Variants in CSMD2 observed in about 807,000 individuals in gnomAD.
CSMD2 encodes the protein CUB and Sushi multiple domains 2.
CSMD2 carries 130 observed loss-of-function variants against 398.5 expected under a neutral mutation model. The observed-to-expected ratio is 0.33, with a 90% CI of 0.28 to 0.38. The LOEUF is 0.38. Among genes scored for constraint, CSMD2 ranks in the 10% least tolerant of loss-of-function variants. CSMD2 has a pLI of 1.00. For synonymous variants in CSMD2, 1,828 were observed against 1,908.5 expected, an observed-to-expected ratio of 0.96 and a Z score of 1.10; for missense variants, 3,829 against 4,764.9, an observed-to-expected ratio of 0.80 and a Z score of 5.78.
At chr1:34,070,339 T>C (rs1558332583) in intron 2 of CSMD2, among the ~76,000 whole-genome samples, 2 of 152,180 alleles carry the variant, frequency 1.3e-5, no homozygotes, top group Non-Finnish European at 2.9e-5. Context: ...TTAGGGTAGA[T>C]GGGTCCTTTT....
Position 34,032,616 on chromosome 1 carries a change from T to C in CSMD2, c.495A>G (p.Gln165=), listed in dbSNP as rs1650596554. 4 of 1,596,130 alleles carry C rather than the reference T, an allele frequency of 2.5e-6. No homozygotes were observed. Among genetic ancestry groups the C allele is most frequent in the African/African-American group, 2.7e-5 (2 of 74,524 alleles). ...TACCTTCATAGGTGGCGTGGAAGCC[T>C]TGGGCACTGACTGCATAGTCGCTGA... ...RLISDYAVSA[Q]GFHATYEVLP... is the part of the protein sequence containing the mutation. Residue 165 remains glutamine (Q), a synonymous_variant, in exon 3 of 71, where the codon CAA becomes CAG. Transcript: ENST00000373381.
At chr1:34,055,076 T>C (rs1302845336) in intron 2 of CSMD2, among the ~76,000 whole-genome samples, 1 of 152,152 alleles carries the variant, frequency 6.6e-6, no homozygotes. Context: ...TGCCTCCCCC[T>C]GGCATGGTGA....
chr1:33,559,112 G>A lies in CSMD2; in HGVS notation c.8554+188C>T, dbSNP rs776206867. ...TTGCTTTCCTTATATAACCCATGAT[G>A]ATGAAATTTTATGTGGCTCTTTATC... On this transcript the variant is annotated intron_variant, in intron 54 of 70. Transcript: ENST00000373381. This position sits in a 1 kb window ranked among gnomAD's most constrained non-coding sequence, Gnocchi z 4.0. Among the ~76,000 whole-genome samples, 2 of 152,214 alleles carry A rather than the reference G, an allele frequency of 1.3e-5. No individual in the cohort carries two copies. The highest frequency in any genetic ancestry group is 2.9e-5 in the Non-Finnish European group (2 of 68,046).
intron 50 of CSMD2, 116 bp downstream of exon 50, chr1:33,572,390 T>C (rs1659670902): frequency 1.4e-5 from 12 of 857,616 alleles, no homozygotes; most frequent in African/African-American, 4.4e-5. Flanking sequence ...TCCATGTCCA[T>C]GTTTTTTTTT....
At chr1:33,561,531 C>T (rs1206600167) in intron 53 of CSMD2, among the ~76,000 whole-genome samples, 2 of 152,178 alleles carry the variant, frequency 1.3e-5, no homozygotes, top group Non-Finnish European at 2.9e-5. Context: ...AGGTACTCTG[C>T]TATGGAGTGG....
chr1:33,672,022 T>C (rs1644518640), intron 25 of CSMD2, among the ~76,000 whole-genome samples: 1 of 152,098 alleles, frequency 6.6e-6, no homozygotes, highest in Admixed American at 6.5e-5. Flanking sequence ...GATGGCCAAA[T>C]AGGAACAGCC....
chr1:33,699,645 T>C (rs1571265265), intron 23 of CSMD2, among the ~76,000 whole-genome samples: 1 of 152,338 alleles, frequency 6.6e-6, no homozygotes, highest in East Asian at 1.9e-4. Context: ...AGGGGAAACC[T>C]GACTATACTC....
At chr1:33,867,555 C>T (rs1640132690) in intron 5 of CSMD2, among the ~76,000 whole-genome samples, 1 of 152,228 alleles carries the variant, frequency 6.6e-6, no homozygotes, top group South Asian at 2.1e-4. Flanking sequence ...ATTTGTTACA[C>T]AGCAATAGAG....
intron 46 of CSMD2, among the ~76,000 whole-genome samples, chr1:33,585,128 G>A (rs1557577490): frequency 6.6e-6 from 1 of 152,182 alleles, no homozygotes; most frequent in Non-Finnish European, 1.5e-5. Context: ...TCAGTACAAA[G>A]GTGTGCATTG....
At chr1:33,683,769 A>G (rs1211776983) in intron 25 of CSMD2, among the ~76,000 whole-genome samples, 1 of 152,216 alleles carries the variant, frequency 6.6e-6, no homozygotes, top group East Asian at 1.9e-4. Flanking sequence ...TCCTTCAAAA[A>G]ATGTGTACAT....
At chr1:33,927,520 A>G (rs1027034205) in intron 4 of CSMD2, among the ~76,000 whole-genome samples, 3 of 152,068 alleles carry the variant, frequency 2.0e-5, no homozygotes, top group African/African-American at 7.2e-5. Context: ...TATCGTGCAC[A>G]TTTTACAGAT....
At chr1:33,551,478 C>T (rs1403382328) in intron 55 of CSMD2, among the ~76,000 whole-genome samples, 1 of 152,186 alleles carries the variant, frequency 6.6e-6, no homozygotes, top group Non-Finnish European at 1.5e-5. Context: ...TCCCTGTAGA[C>T]ATCATACCCA....
chr1:34,083,081 TAA>T (rs10711037), intron 2 of CSMD2, among the ~76,000 whole-genome samples: 31 of 128,144 alleles, frequency 2.4e-4, no homozygotes, highest in African/African-American at 5.0e-4. Context: ...CTAAAAAAAT[TAA>T]AAAAAAAAAA....
chr1:33,801,623 G>A (rs539125681), intron 10 of CSMD2, among the ~76,000 whole-genome samples: 20 of 152,310 alleles, frequency 1.3e-4, no homozygotes, highest in African/African-American at 4.8e-4. Context: ...GGATGCTCAC[G>A]AGCTATGGGG....
intron 12 of CSMD2, among the ~76,000 whole-genome samples, chr1:33,783,563 A>C (rs1653106094): frequency 6.6e-6 from 1 of 151,952 alleles, no homozygotes; most frequent in Non-Finnish European, 1.5e-5. Flanking sequence ...CCTCATCAGA[A>C]ACCAAATTGG....
rs3045906 is a variant in CSMD2 at position 33,984,884 on chromosome 1, CAGGA to C, written c.517+47706_517+47709del. ...GAAGGCAGGCAGGCAGGCAGGCAGG[CAGGA>C]AGGAAGGAAGGAAATCTCACACAGA... On this transcript the variant is annotated intron_variant, in intron 3 of 70. Coordinates refer to ENST00000373381, the MANE Select transcript of CSMD2 (RefSeq NM_001281956.2). Among the ~76,000 whole-genome samples, 1,085 of 138,270 alleles carry C rather than the reference CAGGA, an allele frequency of 7.8e-3. 21 individuals are homozygous for C. The highest frequency in any genetic ancestry group is 0.029 in the African/African-American group (1,024 of 35,106). The allele number at this position is 138,270 out of a possible 152,430, so 90.7% of individuals were successfully genotyped here. A position where few individuals can be genotyped will look rare whatever the true frequency, so the allele number is the denominator to read the frequency against.
In CSMD2 at chr1:33,540,511, T is replaced by C. The variant is rs1391836498; in HGVS notation, c.9631+14A>G. On this transcript the variant is annotated intron_variant, in intron 60 of 70. Transcript: ENST00000373381. The stretch of plus-strand genomic sequence containing the variant: ...TTGAAGAGGATGCACCAAAGGCCCT[T>C]GTAAGCAACTTACGGAAACACTGAG... 3 of 1,613,814 alleles carry C rather than the reference T, an allele frequency of 1.9e-6. No homozygotes were observed. In the African/African-American group the frequency reaches 4.0e-5, roughly 22 times the overall value.
intron 17 of CSMD2, 61 bp from the exon 18 acceptor site, chr1:33,724,765 T>C (rs2149203788): frequency 1.3e-6 from 2 of 1,492,612 alleles, no homozygotes; most frequent in East Asian, 2.3e-5. Flanking sequence ...GGGACCCCAG[T>C]TGACTCCAAA....
chr1:33,730,941 A>G (rs1351754437), intron 15 of CSMD2, among the ~76,000 whole-genome samples: 1 of 152,206 alleles, frequency 6.6e-6, no homozygotes, highest in East Asian at 1.9e-4. Flanking sequence ...CTAGTGCCCA[A>G]ATTTTAAATA....
Sources: allele counts gnomAD v4.1 joint callset (sites outside exome capture counted in the v4.1 genomes callset), GRCh38; gene constraint gnomAD v4.1.1; non-coding constraint Gnocchi (gnomAD v3.1); transcripts MANE v1.5; gene names NCBI Gene and HGNC (gene_info 2026-07-23, HGNC 2026-07-21).